The following GLOD4 variants were observed in gnomAD, a reference collection of about 807,000 sequenced individuals.
The protein encoded by GLOD4 is glyoxalase domain-containing protein 4.
GLOD4 carries 44 observed loss-of-function variants against 39.1 expected under a neutral mutation model. The observed-to-expected ratio is 1.13, with a 90% CI of 0.88 to 1.45. The LOEUF is 1.45. Among genes scored for constraint, GLOD4 ranks in the 40% most tolerant of loss-of-function variants. The pLI is 0.00. For missense variants in GLOD4, 405 were observed against 366.4 expected (o/e 1.11, Z -0.86); for synonymous variants, 145 against 135.0 (o/e 1.07, Z -0.52).
At chr17:782,400 G>C, upstream of GLOD4, 1 of 1,613,366 alleles carries the variant, frequency 6.2e-7, no homozygotes, top group Non-Finnish European at 8.5e-7. Flanking sequence ...GGTGAGACCC[G>C]CGAGGTTTGT....
At chr17:769,756 G>A (rs1216327023) in intron 8 of GLOD4, 113 bp downstream of exon 8, 1 of 731,668 alleles carries the variant, frequency 1.4e-6, no homozygotes, top group East Asian at 2.6e-5. Flanking sequence ...AACAGCGAAA[G>A]GACGTGGTTC....
At chr17:770,357 A>G (rs1907731597) in intron 6 of GLOD4, 64 bp downstream of exon 6, 1 of 886,136 alleles carries the variant, frequency 1.1e-6, no homozygotes, top group South Asian at 1.3e-5. Flanking sequence ...AGGGAAGGAC[A>G]AAGTTCTTAG....
At chr17:764,778 G>A (rs1339355279) in intron 8 of GLOD4, 1 of 151,186 alleles carries the variant, frequency 6.6e-6, no homozygotes, top group Non-Finnish European at 1.5e-5. Context: ...GGAGGCCAAG[G>A]TGGGTGGATC....
rs1417110352 is a variant in GLOD4, at chr17:781,065, C to T, written c.90+1101G>A. On this transcript the variant is annotated intron_variant, in intron 1 of 8. Transcript: ENST00000301329. Reference sequence around the variant, plus strand: ...CCTCCCGAGTAGCTGGGATTACAGGCGTGTGCCACCATGCCCGGCTAATTT... The same window carrying T: ...CCTCCCGAGTAGCTGGGATTACAGGTGTGTGCCACCATGCCCGGCTAATTT... 4.0e-5 allele frequency among the ~76,000 whole-genome samples: 6 copies of T among 151,836 alleles called. No individual in the cohort carries two copies. In the East Asian group the frequency reaches 1.2e-3, roughly 30 times the overall value.
chr17:764,031 T>G (rs1378958388), intron 8 of GLOD4: 1 of 152,198 alleles, frequency 6.6e-6, no homozygotes, highest in African/African-American at 2.4e-5. Context: ...TTGTGCATAT[T>G]TGGAATTTTC....
intron 1 of GLOD4, 51 bp from the exon 2 acceptor site, chr17:778,795 G>T (rs772265091): frequency 8.8e-6 from 9 of 1,020,144 alleles, no homozygotes; most frequent in Non-Finnish European, 1.4e-5. Flanking sequence ...ACTGCTCACA[G>T]CGTCTTTAGC....
At chr17:762,231 T>C (rs1023264633) in intron 8 of GLOD4, among the ~76,000 whole-genome samples, 3 of 152,206 alleles carry the variant, frequency 2.0e-5, no homozygotes, top group Admixed American at 1.3e-4. Flanking sequence ...AAAGTGACTG[T>C]CTGTAAATCT....
At chr17:765,653 C>T (rs919632260) in intron 8 of GLOD4, among the ~76,000 whole-genome samples, 1 of 150,402 alleles carries the variant, frequency 6.6e-6, no homozygotes, top group Non-Finnish European at 1.5e-5. Context: ...ACCGTGTTAG[C>T]CAGGATGGTC....
At chr17:784,182 G>T (rs905433309), upstream of GLOD4, among the ~76,000 whole-genome samples, 2 of 152,150 alleles carry the variant, frequency 1.3e-5, no homozygotes, top group East Asian at 3.8e-4. Context: ...TTTTTCATAC[G>T]TTTTTGACAT....
At chr17:774,924 C>G (rs978389409) in intron 4 of GLOD4, among the ~76,000 whole-genome samples, 1 of 151,892 alleles carries the variant, frequency 6.6e-6, no homozygotes, top group African/African-American at 2.4e-5. Flanking sequence ...CAAAAATGAG[C>G]TGGGCGTGGT....
At chr17:783,851 C>A (rs976772167), upstream of GLOD4, among the ~76,000 whole-genome samples, 1 of 152,108 alleles carries the variant, frequency 6.6e-6, no homozygotes, top group African/African-American at 2.4e-5. Context: ...ACCACTATTC[C>A]TCAAACCTTC....
chr17:774,565 G>A (rs118088836), intron 4 of GLOD4, among the ~76,000 whole-genome samples: 3,057 of 152,322 alleles, frequency 0.02, 69 homozygotes, highest in South Asian at 0.11. Context: ...GGCAGTCAGC[G>A]TGGGGGCTCC....
intron 8 of GLOD4, among the ~76,000 whole-genome samples, chr17:768,943 G>C (rs1231412098): frequency 6.6e-6 from 1 of 152,204 alleles, no homozygotes; most frequent in Non-Finnish European, 1.5e-5. Flanking sequence ...TGGAGAGGAT[G>C]TGAGAGAGAG....
rs146931627 is a variant in GLOD4, at chr17:777,021, A to G, written c.141-33T>C. ...ATAAAAGTAAATGAACTCAGTGACT[A>G]CAGACAAGTCAGCCTCAGGCCACCC... On this transcript the variant is annotated intron_variant, in intron 2 of 8. Transcript: ENST00000301329. The G allele has an allele frequency of 1.2e-3, 2,009 of 1,607,950 alleles. 15 individuals are homozygous for G. The highest frequency in any genetic ancestry group is 9.9e-3 in the Middle Eastern group (60 of 6,048).
intron 1 of GLOD4, among the ~76,000 whole-genome samples, chr17:779,948 A>T (rs1022451878): frequency 6.6e-6 from 1 of 152,128 alleles, no homozygotes; most frequent in Non-Finnish European, 1.5e-5. Flanking sequence ...GTGGATCATG[A>T]GGTCAGGAGA....
At chr17:783,398 G>A (rs148690836), upstream of GLOD4, 25,557 of 1,443,910 alleles carry the variant, frequency 0.018, 327 homozygotes, top group East Asian at 0.07. Context: ...GTGCAATGGC[G>A]CGATCTCGGC....
chr17:783,175 A>G, upstream of GLOD4: 1 of 1,614,158 alleles, frequency 6.2e-7, no homozygotes, highest in Non-Finnish European at 8.5e-7. Context: ...GACGCTCTCA[A>G]GGCTGGAGCT....
rs182036051 is a variant in GLOD4 at position 762,952 on chromosome 17, G to A, written c.832-2714C>T. On this transcript the variant is annotated intron_variant, in intron 8 of 8. Coordinates refer to ENST00000301329, the MANE Select transcript of GLOD4 (RefSeq NM_016080.4). ...AACACTTTGGGAGGCCGAGGCAGGCGGATCACGAGGTCAGGAGATCGAGAC... is the reference window on the plus strand; with the variant it reads ...AACACTTTGGGAGGCCGAGGCAGGCAGATCACGAGGTCAGGAGATCGAGAC... Among the ~76,000 whole-genome samples the A allele has an allele frequency of 8.3e-3, 1,259 of 152,292 alleles. 13 individuals are homozygous for A. Among genetic ancestry groups the A allele is most frequent in the African/African-American group, 0.028 (1,153 of 41,568 alleles).
At chr17:774,034 C>T (rs1449829631) in intron 4 of GLOD4, among the ~76,000 whole-genome samples, 2 of 152,166 alleles carry the variant, frequency 1.3e-5, no homozygotes, top group Non-Finnish European at 2.9e-5. Flanking sequence ...TGAAATATCA[C>T]TAAGGCTGGA....
Sources: allele counts gnomAD v4.1 joint callset (sites outside exome capture counted in the v4.1 genomes callset), GRCh38; gene constraint gnomAD v4.1.1; transcripts MANE v1.5; gene names NCBI Gene and HGNC (gene_info 2026-07-23, HGNC 2026-07-21).